Variants in SOX6 observed in about 807,000 individuals in gnomAD.
SOX6 encodes the protein SRY-box transcription factor 6, also known as transcription factor SOX-6.
SOX6 carries 11 observed loss-of-function variants against 97.8 expected under a neutral mutation model. The ratio of observed to expected loss-of-function variants is 0.11; its 90% CI spans 0.07 to 0.19. The LOEUF (loss-of-function observed/expected upper bound fraction) is 0.19, where lower values mean the gene tolerates loss of function less well. Among genes scored for constraint, SOX6 ranks in the 10% least tolerant of loss-of-function variants. The probability of loss-of-function intolerance (pLI) is 1.00; values close to 1 mark genes in which losing one functional copy is unlikely to be tolerated. For synonymous variants in SOX6, 360 were observed against 371.4 expected, an observed-to-expected ratio of 0.97 and a Z score of 0.35; for missense variants, 810 against 1,039.5, an observed-to-expected ratio of 0.78 and a Z score of 3.04.
At chr11:16,712,078 TACACACACACACACACACACAC>T (rs58807051) in intron 3 of SOX6, among the ~76,000 whole-genome samples, 2 of 139,996 alleles carry the variant, frequency 1.4e-5, no homozygotes, top group African/African-American at 5.3e-5. Context: ...TAGTATTCCA[TACACACACACACACACACACAC>T]ACACACACAC....
At chr11:16,696,450 A>G (rs1002561778) in intron 3 of SOX6, among the ~76,000 whole-genome samples, 15 of 152,196 alleles carry the variant, frequency 9.9e-5, no homozygotes, top group Admixed American at 9.8e-4. Context: ...CTGAACATCA[A>G]TTATAGGCAT....
chr11:16,598,665 T>G (rs1360318388), intron 4 of SOX6, among the ~76,000 whole-genome samples: 1 of 147,816 alleles, frequency 6.8e-6, no homozygotes, highest in Non-Finnish European at 1.5e-5. Flanking sequence ...AAAAAAAATC[T>G]GTTGCATTTT....
intron 2 of SOX6, among the ~76,000 whole-genome samples, chr11:16,716,035 G>A (rs749661500): frequency 1.4e-4 from 21 of 152,056 alleles, no homozygotes; most frequent in Non-Finnish European, 2.8e-4. Context: ...AGGAGTTCAG[G>A]GACAGCCTGG....
At chr11:16,014,869 T>C in intron 13 of SOX6, 73 bp downstream of exon 13, 2 of 1,385,232 alleles carry the variant, frequency 1.4e-6, no homozygotes, top group Non-Finnish European at 2.0e-6. Context: ...ACTATAAAGA[T>C]CCTATATCTA....
intron 12 of SOX6, among the ~76,000 whole-genome samples, chr11:16,017,290 T>C (rs1004529330): frequency 1.3e-5 from 2 of 152,102 alleles, no homozygotes; most frequent in African/African-American, 2.4e-5. Flanking sequence ...TCTGCAGAGA[T>C]ACTTTCCCTT....
chr11:16,650,925 A>G (rs1316452575), intron 3 of SOX6, among the ~76,000 whole-genome samples: 3 of 152,198 alleles, frequency 2.0e-5, no homozygotes, highest in Non-Finnish European at 4.4e-5. Flanking sequence ...TAGCTCAATT[A>G]GAAATGAAAC....
chr11:16,610,328 T>C lies in SOX6; in HGVS notation n.609+1753A>G, dbSNP rs1054545623. Among the ~76,000 whole-genome samples, 2 of 152,196 alleles carry C rather than the reference T, an allele frequency of 1.3e-5. No individual in the cohort carries two copies. The highest frequency in any genetic ancestry group is 2.9e-5 in the Non-Finnish European group (2 of 68,044). ...GGTGAAACATTAGGGACGGAAAGGC[T>C]GGAGCGCGACTGGGTTCCTCCAATT... is the stretch of plus-strand genomic sequence containing the variant. On this transcript the variant is annotated intron_variant and non_coding_transcript_variant, in intron 4 of 5. Coordinates refer to the SOX6 transcript ENST00000524520. This position sits in a 1 kb window ranked among gnomAD's most constrained non-coding sequence, Gnocchi z 4.4.
chr11:16,712,094 C>T (rs1848185771), intron 3 of SOX6, among the ~76,000 whole-genome samples: 1 of 151,468 alleles, frequency 6.6e-6, no homozygotes, highest in African/African-American at 2.4e-5. Flanking sequence ...CACACACACA[C>T]ACACACACAC....
chr11:16,735,914 G>A (rs1384304396), intron 2 of SOX6, among the ~76,000 whole-genome samples: 4 of 151,898 alleles, frequency 2.6e-5, no homozygotes, highest in African/African-American at 9.7e-5. Flanking sequence ...TTTAACTATG[G>A]TCAATCATGA....
intron 10 of SOX6, among the ~76,000 whole-genome samples, chr11:16,054,160 A>C (rs948224045): frequency 1.3e-5 from 2 of 152,142 alleles, no homozygotes; most frequent in Admixed American, 1.3e-4. Flanking sequence ...CATTTTACTC[A>C]TCCAGTAAAG....
intron 3 of SOX6, among the ~76,000 whole-genome samples, chr11:16,655,948 G>A (rs1424601497): frequency 6.6e-6 from 1 of 151,680 alleles, no homozygotes; most frequent in Non-Finnish European, 1.5e-5. Context: ...CAACTTGGGT[G>A]ACAGAGTGAG....
chr11:16,378,065 T>C (rs531102497), intron 1 of SOX6, among the ~76,000 whole-genome samples: 1 of 152,152 alleles, frequency 6.6e-6, no homozygotes, highest in Non-Finnish European at 1.5e-5. Flanking sequence ...AATTTATATG[T>C]TAAATATGTT....
At chr11:16,099,267 T>A (rs1018472848) in intron 7 of SOX6, among the ~76,000 whole-genome samples, 1 of 151,890 alleles carries the variant, frequency 6.6e-6, no homozygotes, top group African/African-American at 2.4e-5. Flanking sequence ...CTAGGCCAAA[T>A]TATTTTTTAT....
At chr11:16,159,555 A>T (rs1850688792) in intron 6 of SOX6, among the ~76,000 whole-genome samples, 1 of 152,156 alleles carries the variant, frequency 6.6e-6, no homozygotes, top group African/African-American at 2.4e-5. Context: ...TAAGGTAAAA[A>T]GACCTTTATG....
intron 4 of SOX6, among the ~76,000 whole-genome samples, chr11:16,500,572 G>T (rs1860688470): frequency 6.6e-6 from 1 of 152,116 alleles, no homozygotes. Context: ...CATCTTCTAA[G>T]CCCAAAGTCT....
At chr11:16,203,354 G>T (rs1385712702) in intron 4 of SOX6, among the ~76,000 whole-genome samples, 4 of 152,066 alleles carry the variant, frequency 2.6e-5, no homozygotes, top group Non-Finnish European at 4.4e-5. Flanking sequence ...AAGCATTACA[G>T]CACTCTTCTA....
chr11:16,559,436 G>A (rs1460640137), intron 4 of SOX6, among the ~76,000 whole-genome samples: 1 of 151,982 alleles, frequency 6.6e-6, no homozygotes, highest in Non-Finnish European at 1.5e-5. Flanking sequence ...ATCAAACACA[G>A]ACAAATCTGA....
intron 3 of SOX6, among the ~76,000 whole-genome samples, chr11:16,275,578 C>G (rs1038350944): frequency 3.3e-5 from 5 of 152,142 alleles, no homozygotes; most frequent in Non-Finnish European, 7.4e-5. Context: ...ATACCTTAAT[C>G]AAATATTTTT....
intron 3 of SOX6, among the ~76,000 whole-genome samples, chr11:16,283,488 AGTTT>A (rs1354549660): frequency 2.0e-5 from 3 of 151,876 alleles, no homozygotes; most frequent in South Asian, 2.1e-4. Context: ...ACCTCTAGAT[AGTTT>A]ATCAGAAAAT....
Sources: gnomAD v4.1 joint callset for allele counts (sites outside exome capture counted in the v4.1 genomes callset) on GRCh38, gnomAD v4.1.1 for gene constraint, Gnocchi (gnomAD v3.1) non-coding constraint, MANE v1.5 for transcripts, NCBI Gene and HGNC (gene_info 2026-07-23, HGNC 2026-07-21) for gene names.